PPP4R1: variants seen among roughly 807,000 people sequenced by gnomAD.
PPP4R1 encodes the protein protein phosphatase 4 regulatory subunit 1.
In PPP4R1, 42 loss-of-function variants were observed where a neutral mutation model predicts 111.2. That is an observed-to-expected ratio of 0.38 (90% CI 0.29 to 0.49). The LOEUF (loss-of-function observed/expected upper bound fraction) is 0.49, where lower values mean the gene tolerates loss of function less well. Among genes scored for constraint, PPP4R1 ranks in the 20% least tolerant of loss-of-function variants. The pLI is 0.97. For synonymous variants in PPP4R1, 409 were observed against 405.5 expected (o/e 1.01, Z -0.10); for missense variants, 1,012 against 1,161.6 (o/e 0.87, Z 1.87).
At chr18:9,588,353 G>A (rs780252258) in intron 5 of PPP4R1, 118 bp from the exon 6 acceptor site, 51 of 1,066,380 alleles carry the variant, frequency 4.8e-5, no homozygotes, top group African/African-American at 2.3e-4. Flanking sequence ...GCAAAACTCC[G>A]CAAATAAATA....
chr18:9,616,855 A>G (rs973557062), upstream of PPP4R1, among the ~76,000 whole-genome samples: 1 of 152,144 alleles, frequency 6.6e-6, no homozygotes, highest in African/African-American at 2.4e-5. Context: ...GATCTGTATC[A>G]TTTTTCTGTA....
At chr18:9,549,110 A>C in intron 19 of PPP4R1, 87 bp downstream of exon 19, 1 of 1,458,134 alleles carries the variant, frequency 6.9e-7, no homozygotes, top group Non-Finnish European at 9.5e-7. Context: ...AGCAGACAAT[A>C]CTTCTGCTTT....
At position 9,563,489 on chromosome 18, in the gene PPP4R1, G is replaced by A; in HGVS notation, c.1635C>T (p.Thr545=). The change falls in exon 12 of 20, where the codon ACC becomes ACT. Residue 545 remains threonine (T), a synonymous_variant. Transcript: ENST00000400556. ...AATCACTTCTCTTTTCTATACTGATGGTCTCTTCATGTGCATCCAGGCTGG... is the reference window on the plus strand; with the variant it reads ...AATCACTTCTCTTTTCTATACTGATAGTCTCTTCATGTGCATCCAGGCTGG... ...RASSLDAHEE[T]ISIEKRSDLQ... is the part of the protein sequence containing the mutation. The A allele has an allele frequency of 6.2e-7, 1 of 1,607,416 alleles. No individual in the cohort carries two copies. Among genetic ancestry groups the A allele is most frequent in the Non-Finnish European group, 8.5e-7 (1 of 1,174,438 alleles).
At chr18:9,561,327 A>C (rs2066673750) in intron 13 of PPP4R1, among the ~76,000 whole-genome samples, 1 of 151,936 alleles carries the variant, frequency 6.6e-6, no homozygotes, top group Non-Finnish European at 1.5e-5. Flanking sequence ...TATAGCATCA[A>C]AGTGAAACTA....
intron 14 of PPP4R1, among the ~76,000 whole-genome samples, chr18:9,559,113 C>A (rs540108504): frequency 2.6e-5 from 4 of 152,046 alleles, no homozygotes; most frequent in Non-Finnish European, 4.4e-5. Context: ...AAATTAAATC[C>A]TATATTCGGA....
intron 10 of PPP4R1, among the ~76,000 whole-genome samples, chr18:9,571,338 T>C (rs909918010): frequency 6.6e-6 from 1 of 152,212 alleles, no homozygotes; most frequent in Non-Finnish European, 1.5e-5. Flanking sequence ...TACAAATTCA[T>C]TAAAGTCCAC....
chr18:9,601,171 C>T (rs1235803104), intron 2 of PPP4R1, among the ~76,000 whole-genome samples: 2 of 148,716 alleles, frequency 1.3e-5, no homozygotes, highest in African/African-American at 5.0e-5. Context: ...GCATGCAATA[C>T]AGTGTTCAAA....
intron 9 of PPP4R1, 58 bp downstream of exon 9, chr18:9,583,059 T>C (rs2067056141): frequency 1.3e-5 from 18 of 1,410,680 alleles, no homozygotes; most frequent in Non-Finnish European, 1.6e-5. Context: ...CAAAATTATG[T>C]TTGCTTTAAA....
intron 11 of PPP4R1, among the ~76,000 whole-genome samples, chr18:9,564,737 T>TGTGGGG (rs1475596391): frequency 0.011 from 717 of 67,922 alleles, 4 homozygotes; most frequent in African/African-American, 0.043. Flanking sequence ...TGTGTGTGTG[T>TGTGGGG]GGGGGTATCA....
intron 15 of PPP4R1, among the ~76,000 whole-genome samples, chr18:9,553,849 AT>A (rs566754259): frequency 1.3e-5 from 2 of 152,270 alleles, no homozygotes; most frequent in African/African-American, 2.4e-5. Flanking sequence ...GAGAAAAAAA[AT>A]AAATGTATCC....
At chr18:9,555,972 TA>T (rs1173316431) in intron 15 of PPP4R1, among the ~76,000 whole-genome samples, 5 of 132,926 alleles carry the variant, frequency 3.8e-5, no homozygotes, top group Admixed American at 1.6e-4. Flanking sequence ...CCATCTCTAC[TA>T]AAACAAACAA....
upstream of PPP4R1, among the ~76,000 whole-genome samples, chr18:9,616,184 G>A (rs2067686088): frequency 6.6e-6 from 1 of 151,642 alleles, no homozygotes; most frequent in Non-Finnish European, 1.5e-5. Flanking sequence ...GCCCTGCTAA[G>A]ATACCTTGTC....
chr18:9,570,283 C>T lies in PPP4R1; in HGVS notation c.1447G>A (p.Glu483Lys). 6.2e-7 allele frequency: 1 copy of T among 1,612,250 alleles called. No individual in the cohort carries two copies. The highest frequency in any genetic ancestry group is 8.5e-7 in the Non-Finnish European group (1 of 1,179,284). The change falls in exon 11 of 20, where the codon GAG (glutamate) becomes AAG (lysine). Residue 483 changes from glutamate to lysine, a missense_variant. Physicochemically the swap from Glu to Lys is moderately conservative, Grantham distance 56. Around this residue, in one of 2 missense-constraint regions of PPP4R1, gnomAD observed 707 missense variants for 742.1 expected, o/e 0.95. Transcript: ENST00000400556. ...CCCTCAGATTCTTCCTCTGGTCCCT[C>T]TGGGCTGGGTTTTCCCCCAGAGTTC... ...EQNSGGKPSP[E>K]GPEEESEGPV...
At chr18:9,615,176 A>T (rs2067673927), upstream of PPP4R1, 2 of 152,268 alleles carry the variant, frequency 1.3e-5, no homozygotes, top group African/African-American at 4.8e-5. Flanking sequence ...TGACTGACAA[A>T]GTCATGCCTG....
chr18:9,614,280 G>C lies in PPP4R1; in HGVS notation c.8-10C>G, dbSNP rs1036821086. 3.8e-6 allele frequency: 5 copies of C among 1,312,180 alleles called. No homozygotes were observed. In the African/African-American group the frequency reaches 7.8e-5, roughly 20 times the overall value. The allele number at this position is 1,312,180 out of a possible 1,614,324, so 81.3% of individuals were successfully genotyped here. A position where few individuals can be genotyped will look rare whatever the true frequency, so the allele number is the denominator to read the frequency against. On this transcript the variant is annotated splice_polypyrimidine_tract_variant and intron_variant, in intron 1 of 19. Transcript: ENST00000400556. This position sits in a 1 kb window ranked among gnomAD's most constrained non-coding sequence, Gnocchi z 4.1. The stretch of plus-strand genomic sequence containing the variant: ...TGAAGCAGCGAGAGGTCTGCGCCGA[G>C]GGGAGAGAAGAAAGGCCCGGTCAGC...
At position 9,588,516 on chromosome 18, in the gene PPP4R1, C is replaced by T. The variant is rs1490452136; in HGVS notation, c.438+195G>A. On this transcript the variant is annotated intron_variant, in intron 5 of 19. Transcript: ENST00000400556. The stretch of plus-strand genomic sequence containing the variant: ...GCTAGGAGGTTACCAAGTGAGAGTG[C>T]AGTTACTAGGCATTGTCCATAATGG... Among the ~76,000 whole-genome samples the T allele has an allele frequency of 3.9e-5, 6 of 152,140 alleles. No individual in the cohort carries two copies. In the South Asian group the frequency reaches 6.2e-4, roughly 16 times the overall value.
At chr18:9,554,841 G>A (rs1368863909) in intron 15 of PPP4R1, among the ~76,000 whole-genome samples, 1 of 152,230 alleles carries the variant, frequency 6.6e-6, no homozygotes, top group South Asian at 2.1e-4. Flanking sequence ...GCAGCTTTAA[G>A]GGGTCTCCAC....
chr18:9,564,933 C>T (rs954204935), intron 11 of PPP4R1, among the ~76,000 whole-genome samples: 1 of 151,894 alleles, frequency 6.6e-6, no homozygotes, highest in Non-Finnish European at 1.5e-5. Flanking sequence ...AGCACTGAAC[C>T]CCTGGGCTCA....
intron 9 of PPP4R1, among the ~76,000 whole-genome samples, chr18:9,578,391 C>A (rs2066972361): frequency 6.6e-6 from 1 of 152,110 alleles, no homozygotes; most frequent in Non-Finnish European, 1.5e-5. Context: ...CATGTGCCAC[C>A]ACATCCAGTT....
Sources: gnomAD v4.1 joint callset for allele counts (sites outside exome capture counted in the v4.1 genomes callset) on GRCh38, gnomAD v4.1.1 for gene constraint, gnomAD v4.1.1 regional missense constraint, Gnocchi (gnomAD v3.1) non-coding constraint, MANE v1.5 for transcripts, NCBI Gene and HGNC (gene_info 2026-07-23, HGNC 2026-07-21) for gene names.